The following ALDH18A1 variants were observed in gnomAD, a reference collection of about 807,000 sequenced individuals.
The protein encoded by ALDH18A1 is delta-1-pyrroline-5-carboxylate synthase.
ALDH18A1 carries 44 observed loss-of-function variants against 88.8 expected under a neutral mutation model. The observed-to-expected ratio is 0.50, with a 90% CI of 0.39 to 0.64. The LOEUF is 0.64. Ranked by LOEUF, ALDH18A1 falls within the 30% of genes least tolerant of loss-of-function variation. ALDH18A1 has a pLI of 0.00. For missense variants in ALDH18A1, 782 were observed against 1,009.5 expected (o/e 0.77, Z 3.05); for synonymous variants, 331 against 372.1 (o/e 0.89, Z 1.27).
chr10:95,612,850 C>G (rs1035000522), intron 15 of ALDH18A1, among the ~76,000 whole-genome samples: 1 of 152,212 alleles, frequency 6.6e-6, no homozygotes, highest in Admixed American at 6.5e-5. Context: ...CATGAATGAC[C>G]ATGTGATCTA....
chr10:95,625,316 A>G (rs926719115), intron 11 of ALDH18A1, 46 bp downstream of exon 11: 1 of 1,529,872 alleles, frequency 6.5e-7, no homozygotes, highest in Non-Finnish European at 9.1e-7. Flanking sequence ...AACCAAAATA[A>G]TGCACACCCC....
intron 3 of ALDH18A1, among the ~76,000 whole-genome samples, chr10:95,639,486 T>C (rs2097887354): frequency 6.6e-6 from 1 of 152,034 alleles, no homozygotes; most frequent in Admixed American, 6.6e-5. Flanking sequence ...ACCCTCACCA[T>C]TGTTTTAATA....
chr10:95,655,988 G>A (rs372035187), intron 1 of ALDH18A1, among the ~76,000 whole-genome samples: 25 of 152,240 alleles, frequency 1.6e-4, no homozygotes, highest in East Asian at 9.7e-4. Context: ...AGGGGATAAT[G>A]ATGGGGGAAG....
At chr10:95,627,651 G>A in intron 8 of ALDH18A1, 65 bp from the exon 9 acceptor site, 1 of 1,579,266 alleles carries the variant, frequency 6.3e-7, no homozygotes, top group East Asian at 2.2e-5. Flanking sequence ...TTTTAAACTT[G>A]CAAAAAGATA....
At chr10:95,644,610 T>C (rs1258844313) in intron 2 of ALDH18A1, among the ~76,000 whole-genome samples, 3 of 152,232 alleles carry the variant, frequency 2.0e-5, no homozygotes, top group East Asian at 3.8e-4. Context: ...CCATTCGCCC[T>C]TTCTCACACA....
intron 2 of ALDH18A1, among the ~76,000 whole-genome samples, chr10:95,652,507 G>T (rs895185291): frequency 6.6e-6 from 1 of 151,884 alleles, no homozygotes; most frequent in Non-Finnish European, 1.5e-5. Flanking sequence ...AGGCCGAGGC[G>T]GGCAGATCAC....
In ALDH18A1 at chr10:95,613,801, G is replaced by C; in HGVS notation, c.1864C>G (p.Arg622Gly). ...CNALETLLIH[R>G]DLLRTPLFDQ... ...AATAATGGTGTCCTGAGCAGATCCC[G>C]GTGGATTAACAAAGTCTCCAAAGCA... Residue 622 changes from arginine (R) to glycine (G), a missense_variant, in exon 15 of 18, where the codon CGG becomes GGG. Arg to Gly is a moderately radical substitution (Grantham distance 125). Around this residue, in one of 3 missense-constraint regions of ALDH18A1, gnomAD observed 556 missense variants for 654.5 expected, o/e 0.85. Coordinates refer to ENST00000371224, the MANE Select transcript of ALDH18A1 (RefSeq NM_002860.4). 2 of 1,614,022 alleles carry C rather than the reference G, an allele frequency of 1.2e-6. No homozygotes were observed. The highest frequency in any genetic ancestry group is 1.3e-5 in the African/African-American group (1 of 75,018).
intron 7 of ALDH18A1, among the ~76,000 whole-genome samples, chr10:95,632,701 G>A (rs1339938893): frequency 6.6e-6 from 1 of 152,310 alleles, no homozygotes; most frequent in Non-Finnish European, 1.5e-5. Context: ...TGTATGGTAT[G>A]TGAATTACAT....
Position 95,643,028 on chromosome 10 carries a change from G to A in ALDH18A1, c.267C>T (p.Gly89=), listed in dbSNP as rs2097894769. 1 of 1,613,772 alleles carries A rather than the reference G, an allele frequency of 6.2e-7. No homozygotes were observed. Among genetic ancestry groups the A allele is most frequent in the African/African-American group, 1.3e-5 (1 of 74,920 alleles). Residue 89 remains glycine (G), a synonymous_variant, in exon 3 of 18, where the codon GGC becomes GGT. Transcript: ENST00000371224. ...TAGATGCCAAGCGCCCCAGGGCCAG[G>A]CCACATTCATCCCCTCGGGTCACCA... The part of the protein sequence containing the change: ...SAVVTRGDEC[G]LALGRLASIV...
intron 12 of ALDH18A1, among the ~76,000 whole-genome samples, chr10:95,618,021 C>A (rs2097846754): frequency 6.6e-6 from 1 of 152,154 alleles, no homozygotes; most frequent in African/African-American, 2.4e-5. Flanking sequence ...GAGTACCCTT[C>A]ACAGAGCATT....
intron 11 of ALDH18A1, among the ~76,000 whole-genome samples, chr10:95,621,601 C>T (rs1168361507): frequency 1.3e-5 from 2 of 152,062 alleles, no homozygotes; most frequent in South Asian, 2.1e-4. Flanking sequence ...TGCGAGCCAC[C>T]GTGCCTGGCC....
chr10:95,613,723 AG>A lies in ALDH18A1; in HGVS notation c.1923+18del. On this transcript the variant is annotated intron_variant, in intron 15 of 17. Coordinates refer to ENST00000371224, the MANE Select transcript of ALDH18A1 (RefSeq NM_002860.4). ...CTTCTAAGACAGGAAGTAATGTACT[AG>A]TCCTATGGAACTCTTACCTGTTCCA... 1 of 1,614,000 alleles carries A rather than the reference AG, an allele frequency of 6.2e-7. No homozygotes were observed. Among genetic ancestry groups the A allele is most frequent in the Non-Finnish European group, 8.5e-7 (1 of 1,179,884 alleles).
intron 17 of ALDH18A1, among the ~76,000 whole-genome samples, chr10:95,608,256 C>CA (rs1358001904): frequency 6.6e-6 from 1 of 152,194 alleles, no homozygotes; most frequent in Admixed American, 6.5e-5. Context: ...CTGGGTGCCC[C>CA]AGCCCTTAAA....
chr10:95,644,448 G>C (rs997865914), intron 2 of ALDH18A1, among the ~76,000 whole-genome samples: 13 of 152,042 alleles, frequency 8.6e-5, no homozygotes, highest in African/African-American at 1.2e-4. Flanking sequence ...AATTCTACAA[G>C]ATTTCTAAGG....
At chr10:95,616,105 G>A (rs1441498084) in intron 13 of ALDH18A1, among the ~76,000 whole-genome samples, 1 of 152,158 alleles carries the variant, frequency 6.6e-6, no homozygotes, top group Non-Finnish European at 1.5e-5. Flanking sequence ...CCGCATGACA[G>A]TTTATGACAA....
At chr10:95,645,670 G>T (rs551500150) in intron 2 of ALDH18A1, among the ~76,000 whole-genome samples, 3 of 152,242 alleles carry the variant, frequency 2.0e-5, no homozygotes, top group Non-Finnish European at 2.9e-5. Flanking sequence ...GGTTTGTGGA[G>T]ATATAAGAAA....
intron 2 of ALDH18A1, among the ~76,000 whole-genome samples, chr10:95,645,120 C>T (rs2097899042): frequency 6.6e-6 from 1 of 152,196 alleles, no homozygotes; most frequent in Non-Finnish European, 1.5e-5. Context: ...AGATAAGATG[C>T]TGTCAATCAG....
intron 7 of ALDH18A1, among the ~76,000 whole-genome samples, chr10:95,629,411 C>T (rs1243583633): frequency 6.6e-6 from 1 of 152,158 alleles, no homozygotes; most frequent in African/African-American, 2.4e-5. Flanking sequence ...TACCTCTCTG[C>T]AGGAGTAAGT....
At chr10:95,643,624 T>A (rs2097895954) in intron 2 of ALDH18A1, among the ~76,000 whole-genome samples, 1 of 152,220 alleles carries the variant, frequency 6.6e-6, no homozygotes. Context: ...TTAGAATTTT[T>A]AATAATGTAG....
Sources: allele counts gnomAD v4.1 joint callset (sites outside exome capture counted in the v4.1 genomes callset), GRCh38; gene constraint gnomAD v4.1.1; regional missense constraint gnomAD v4.1.1; transcripts MANE v1.5; gene names NCBI Gene and HGNC (gene_info 2026-07-23, HGNC 2026-07-21).